ABCA1: variants seen among roughly 807,000 people sequenced by gnomAD.
ABCA1 encodes the protein phospholipid-transporting ATPase ABCA1.
A neutral mutation model predicts 262.5 loss-of-function variants in ABCA1; 133 were observed. The ratio of observed to expected loss-of-function variants is 0.51; its 90% CI spans 0.44 to 0.59. The LOEUF (loss-of-function observed/expected upper bound fraction) is 0.59, where lower values mean the gene tolerates loss of function less well. Ranked by LOEUF, ABCA1 falls within the 20% of genes least tolerant of loss-of-function variation. The pLI is 0.00. For synonymous variants in ABCA1, 1,022 were observed against 1,043.5 expected, an observed-to-expected ratio of 0.98 and a Z score of 0.40; for missense variants, 2,452 against 2,777.5, an observed-to-expected ratio of 0.88 and a Z score of 2.63.
At chr9:104,897,852 C>T (rs1207002950) in intron 2 of ABCA1, among the ~76,000 whole-genome samples, 2 of 152,204 alleles carry the variant, frequency 1.3e-5, no homozygotes, top group East Asian at 3.9e-4. Flanking sequence ...ATCCGCCCAC[C>T]TTGGTCTCCC....
At chr9:104,911,025 A>G (rs1459263088) in intron 1 of ABCA1, among the ~76,000 whole-genome samples, 1 of 152,160 alleles carries the variant, frequency 6.6e-6, no homozygotes, top group East Asian at 1.9e-4. Context: ...TCTCTTGATG[A>G]GGTTGCTTCT....
At chr9:104,825,619 T>A (rs1052762173) in intron 17 of ABCA1, 64 bp downstream of exon 17, 2 of 1,548,540 alleles carry the variant, frequency 1.3e-6, no homozygotes, top group African/African-American at 2.7e-5. Context: ...GCAGAGATTC[T>A]AGCACAAAGA....
At chr9:104,849,382 GTTTAA>G (rs148469547) in intron 7 of ABCA1, among the ~76,000 whole-genome samples, 4,851 of 152,226 alleles carry the variant, frequency 0.032, 228 homozygotes, top group African/African-American at 0.099. Context: ...TTGACTGCTT[GTTTAA>G]TTTGACTGTT....
At chr9:104,842,511 C>T (rs1834468603) in intron 8 of ABCA1, among the ~76,000 whole-genome samples, 1 of 152,178 alleles carries the variant, frequency 6.6e-6, no homozygotes, top group Non-Finnish European at 1.5e-5. Flanking sequence ...TTATTCCAAA[C>T]TATTGACTCT....
intron 28 of ABCA1, 28 bp from the exon 29 acceptor site, chr9:104,810,952 G>A (rs750235866): frequency 8.1e-6 from 13 of 1,613,926 alleles, no homozygotes; most frequent in East Asian, 2.2e-5. Flanking sequence ...AGGGGGCAGG[G>A]GGACAGCAGG....
At chr9:104,875,654 C>A (rs1345224521) in intron 5 of ABCA1, among the ~76,000 whole-genome samples, 4 of 147,840 alleles carry the variant, frequency 2.7e-5, no homozygotes, top group Non-Finnish European at 4.6e-5. Flanking sequence ...GAGAGCTCCA[C>A]AACCTTAAAA....
At position 104,861,742 on chromosome 9, in the gene ABCA1, GT is replaced by G; in HGVS notation, c.479del (p.His160ProfsTer14). On this transcript the variant is annotated frameshift_variant, in exon 6 of 50. Coordinates refer to ENST00000374736, the MANE Select transcript of ABCA1 (RefSeq NM_005502.4). LOFTEE classifies it high-confidence loss of function. ...DNETFSGFLYHNLSLPKSTVD... is the reference protein window; with the variant it reads ...DNETFSGFLYXNLSLPKSTVD... ...CAGTAGACTTTGGGAGAGAGAGGTTGTGATACAGGAACCCAGAGAAGGTTTC... is the reference window on the plus strand; with the variant it reads ...CAGTAGACTTTGGGAGAGAGAGGTTGGATACAGGAACCCAGAGAAGGTTTC... 1 of 1,613,652 alleles carries G rather than the reference GT, an allele frequency of 6.2e-7. No homozygotes were observed. The highest frequency in any genetic ancestry group is 8.5e-7 in the Non-Finnish European group (1 of 1,179,802).
At chr9:104,830,860 CA>C in intron 14 of ABCA1, 64 bp downstream of exon 14, 1 of 1,565,238 alleles carries the variant, frequency 6.4e-7, no homozygotes, top group South Asian at 1.1e-5. Flanking sequence ...CATGCACACA[CA>C]TATATACACC....
intron 29 of ABCA1, 61 bp downstream of exon 29, chr9:104,810,739 C>A: frequency 6.2e-7 from 1 of 1,613,148 alleles, no homozygotes; most frequent in Non-Finnish European, 8.5e-7. Context: ...CCTTGGCCCT[C>A]GTAAACATCT....
At chr9:104,871,282 G>A (rs1431750468) in intron 5 of ABCA1, among the ~76,000 whole-genome samples, 2 of 152,190 alleles carry the variant, frequency 1.3e-5, no homozygotes, top group East Asian at 3.8e-4. Context: ...CCAGAACTGT[G>A]AGAAGTAAAT....
At chr9:104,874,810 T>A (rs1179741761) in intron 5 of ABCA1, among the ~76,000 whole-genome samples, 2 of 140,758 alleles carry the variant, frequency 1.4e-5, no homozygotes, top group Admixed American at 6.8e-5. Context: ...AGCCGCCCCG[T>A]CCGGGAGGGA....
intron 32 of ABCA1, among the ~76,000 whole-genome samples, chr9:104,804,017 T>C (rs1830562582): frequency 6.6e-6 from 1 of 152,176 alleles, no homozygotes; most frequent in Non-Finnish European, 1.5e-5. Flanking sequence ...GCCCATGCCA[T>C]TTAAAGTCAC....
intron 2 of ABCA1, 59 bp downstream of exon 2, chr9:104,903,555 A>G: frequency 6.6e-7 from 1 of 1,525,528 alleles, no homozygotes. Flanking sequence ...CCAATCCCCA[A>G]CTCAAAACCA....
rs56710442 is a variant in ABCA1, at chr9:104,896,711, CTTTTTTTTTTTTTTTTTTTTTT to C, written c.66+6881_66+6902del. ...AACTCCAAAATTGCTCCCTACACATCTTTTTTTTTTTTTTTTTTTTTTTTTTTTTTTTTTTTTCAGACAGAGT... is the reference window on the plus strand; with the variant it reads ...AACTCCAAAATTGCTCCCTACACATCTTTTTTTTTTTTTTTCAGACAGAGT... On this transcript the variant is annotated intron_variant, in intron 2 of 49. Coordinates refer to ENST00000374736, the MANE Select transcript of ABCA1 (RefSeq NM_005502.4). Among the ~76,000 whole-genome samples the C allele has an allele frequency of 3.1e-3, 113 of 37,010 alleles. 4 individuals carry two copies. The highest frequency in any genetic ancestry group is 0.012 in the African/African-American group (109 of 9,462). The allele number at this position is 37,010 out of a possible 152,430, so 24.3% of individuals were successfully genotyped here. A position where few individuals can be genotyped will look rare whatever the true frequency, so the allele number is the denominator to read the frequency against.
chr9:104,924,971 G>A (rs904679176), intron 1 of ABCA1, among the ~76,000 whole-genome samples: 1 of 152,190 alleles, frequency 6.6e-6, no homozygotes, highest in Non-Finnish European at 1.5e-5. Context: ...TTTACAATGG[G>A]ACTTCCTTGA....
chr9:104,794,558 G>C, intron 39 of ABCA1, 48 bp from the exon 40 acceptor site: 14 of 1,567,214 alleles, frequency 8.9e-6, no homozygotes, highest in Non-Finnish European at 1.2e-5. Context: ...TGAGGGAGAA[G>C]AAACGGGTGT....
rs1832865008 is a variant in ABCA1, at chr9:104,826,989, C to A, written c.2296G>T (p.Ala766Ser). 1 of 1,614,150 alleles carries A rather than the reference C, an allele frequency of 6.2e-7. No individual in the cohort carries two copies. Among genetic ancestry groups the A allele is most frequent in the African/African-American group, 1.3e-5 (1 of 75,040 alleles). Residue 766 changes from alanine to serine, a missense_variant, in exon 16 of 50, where the codon GCA (alanine) becomes TCA (serine). Physicochemically the swap from Ala to Ser is moderately conservative, Grantham distance 99 (BLOSUM62 1). Transcript: ENST00000374736. Reference sequence around the variant, plus strand: ...GTGAAGCCCACGTAGTCCTGCCATGCCACACACAGGACGTAGGGCAGGTAC... The same window carrying A: ...GTGAAGCCCACGTAGTCCTGCCATGACACACACAGGACGTAGGGCAGGTAC... Reference protein sequence around the residue: ...TLYLPYVLCVAWQDYVGFTLK... With the variant: ...TLYLPYVLCVSWQDYVGFTLK...
At chr9:104,813,991 A>G in intron 27 of ABCA1, 127 bp downstream of exon 27, 1 of 956,274 alleles carries the variant, frequency 1.0e-6, no homozygotes, top group Non-Finnish European at 1.6e-6. Flanking sequence ...CCATTTCCTC[A>G]CTTCTCTTTG....
At chr9:104,836,171 G>A (rs991539453) in intron 11 of ABCA1, among the ~76,000 whole-genome samples, 5 of 152,148 alleles carry the variant, frequency 3.3e-5, no homozygotes, top group African/African-American at 9.7e-5. Flanking sequence ...GCCTCCCAGC[G>A]GATCAGGGAA....
Sources: gnomAD v4.1 joint callset for allele counts (sites outside exome capture counted in the v4.1 genomes callset) on GRCh38, gnomAD v4.1.1 for gene constraint, MANE v1.5 for transcripts, NCBI Gene and HGNC (gene_info 2026-07-23, HGNC 2026-07-21) for gene names.